The following RPL30 variants were observed in gnomAD, a reference collection of about 807,000 sequenced individuals.
The protein encoded by RPL30 is ribosomal protein L30.
For missense variants in RPL30, 60 were observed against 138.0 expected, an observed-to-expected ratio of 0.43 and a Z score of 2.83; for synonymous variants, 40 against 50.4, an observed-to-expected ratio of 0.79 and a Z score of 0.87.
rs1814460527 is a variant in RPL30 at position 98,045,499 on chromosome 8, C to T, written c.-33+9G>A. ...CTGCCTAAACCTCGGTCGGTAGGAG[C>T]CCACTCACCAACAGCAGCCGCTAAG... On this transcript the variant is annotated intron_variant, in intron 1 of 4. Transcript: ENST00000287038. The T allele has an allele frequency of 2.1e-6, 2 of 945,590 alleles. No homozygotes were observed. The highest frequency in any genetic ancestry group is 3.3e-6 in the Non-Finnish European group (2 of 601,522). The allele number at this position is 945,590 out of a possible 1,614,324, so 58.6% of individuals were successfully genotyped here. A position where few individuals can be genotyped will look rare whatever the true frequency, so the allele number is the denominator to read the frequency against.
chr8:98,043,874 A>T (rs974046959), intron 3 of RPL30: 9 of 152,138 alleles, frequency 5.9e-5, no homozygotes, highest in African/African-American at 2.2e-4. Context: ...GCAGTTTGGG[A>T]GGCCGAGGTG....
chr8:98,042,608 CAAA>C, intron 4 of RPL30, 34 bp downstream of exon 4: 15 of 1,457,094 alleles, frequency 1.0e-5, no homozygotes, highest in South Asian at 5.0e-5. Flanking sequence ...ATTAGAAAGG[CAAA>C]AAAAAAAAAG....
At chr8:98,045,447 A>G in intron 1 of RPL30, 48 bp from the exon 2 acceptor site, 1 of 1,573,530 alleles carries the variant, frequency 6.4e-7, no homozygotes, top group Non-Finnish European at 8.7e-7. Flanking sequence ...CCGGAGTTAC[A>G]AATGGCAACC....
At chr8:98,042,452 T>C (rs1208793854) in intron 4 of RPL30, 193 bp downstream of exon 4, 1 of 556,146 alleles carries the variant, frequency 1.8e-6, no homozygotes, top group Non-Finnish European at 3.1e-6. Flanking sequence ...TTTTAACTTA[T>C]AATAAAGCCA....
At chr8:98,045,151 C>A (rs1814453539) in intron 2 of RPL30, 63 bp from the exon 3 acceptor site, 2 of 1,581,566 alleles carry the variant, frequency 1.3e-6, no homozygotes, top group African/African-American at 2.7e-5. Flanking sequence ...AAAACCGGAC[C>A]CAGCTTTTTG....
At position 98,045,035 on chromosome 8, in the gene RPL30, C is replaced by T. The variant is rs1422904530; in HGVS notation, c.75G>A (p.Gly25=). 1 of 1,614,100 alleles carries T rather than the reference C, an allele frequency of 6.2e-7. No individual in the cohort carries two copies. The highest frequency in any genetic ancestry group is 8.5e-7 in the Non-Finnish European group (1 of 1,180,034). The change falls in exon 3 of 5, where the codon GGG becomes GGA. Residue 25 remains glycine (G), a synonymous_variant. Coordinates refer to ENST00000287038, the MANE Select transcript of RPL30 (RefSeq NM_000989.4). ...TCTGCTTGTACCCCAGGACGTACTT[C>T]CCACTTTTCATAACGAGTTGGAGCC... ...NSRLQLVMKS[G]KYVLGYKQTL...
rs1284536666 is a variant in RPL30 at position 98,045,023 on chromosome 8, C to G, written c.87G>C (p.Leu29=). 6.2e-7 allele frequency: 1 copy of G among 1,614,202 alleles called. No homozygotes were observed. The highest frequency in any genetic ancestry group is 1.7e-5 in the Admixed American group (1 of 60,018). The part of the protein sequence containing the change: ...QLVMKSGKYV[L]GYKQTLKMIR... Reference sequence around the variant, plus strand: ...TCATCTTCAGAGTCTGCTTGTACCCCAGGACGTACTTCCCACTTTTCATAA... The same window carrying G: ...TCATCTTCAGAGTCTGCTTGTACCCGAGGACGTACTTCCCACTTTTCATAA... Residue 29 remains leucine (L), a synonymous_variant, in exon 3 of 5, where the codon CTG becomes CTC. Coordinates refer to ENST00000287038, the MANE Select transcript of RPL30 (RefSeq NM_000989.4).
At chr8:98,043,839 A>G (rs974288270) in intron 3 of RPL30, 1 of 152,168 alleles carries the variant, frequency 6.6e-6, no homozygotes, top group African/African-American at 2.4e-5. Flanking sequence ...CAAGCCGGGC[A>G]CGGTAGCTCA....
intron 1 of RPL30, 30 bp downstream of exon 1, chr8:98,045,478 C>G (rs1201908477): frequency 7.4e-7 from 1 of 1,356,758 alleles, no homozygotes; most frequent in African/African-American, 1.4e-5. Flanking sequence ...CCCGCGCTGC[C>G]TAAACCTCGG....
chr8:98,042,826 C>CA, intron 3 of RPL30, 51 bp from the exon 4 acceptor site: 1 of 1,498,828 alleles, frequency 6.7e-7, no homozygotes, highest in African/African-American at 1.4e-5. Flanking sequence ...AAGTGACTGA[C>CA]AGACTAAATG....
Position 98,044,958 on chromosome 8 carries a change from T to C in RPL30, c.152A>G (p.Asn51Ser), listed in dbSNP as rs1423070308. 10 of 1,613,548 alleles carry C rather than the reference T, an allele frequency of 6.2e-6. No homozygotes were observed. Among genetic ancestry groups the C allele is most frequent in the East Asian group, 2.2e-5 (1 of 44,890 alleles). Reference sequence around the variant, plus strand: ...CTTCGATTACCTCAAAGCTGGGCAGTTGTTAGCGAGAATGACCAATTTCGC... The same window carrying C: ...CTTCGATTACCTCAAAGCTGGGCAGCTGTTAGCGAGAATGACCAATTTCGC... ...GKAKLVILAN[N>S]CPALRKSEIE... The change falls in exon 3 of 5, where the codon AAC becomes AGC. Residue 51 changes from asparagine to serine, a missense_variant. Physicochemically the swap from Asn to Ser is conservative, Grantham distance 46 (BLOSUM62 1). Coordinates refer to ENST00000287038, the MANE Select transcript of RPL30 (RefSeq NM_000989.4).
In RPL30 at chr8:98,041,925, C is replaced by A. The variant is rs1814383299; in HGVS notation, c.299-75G>T. Reference sequence around the variant, plus strand: ...AACTGGTACCATAAAATTTCTCTACCTTTGGTTATCCCTTCTGTAGACAAT... The same window carrying A: ...AACTGGTACCATAAAATTTCTCTACATTTGGTTATCCCTTCTGTAGACAAT... On this transcript the variant is annotated intron_variant, in intron 4 of 4. Coordinates refer to ENST00000287038, the MANE Select transcript of RPL30 (RefSeq NM_000989.4). 6.5e-6 allele frequency: 7 copies of A among 1,085,150 alleles called. No individual in the cohort carries two copies. The Admixed American group carries it at 1.4e-4, about 21-fold the overall frequency. The allele number at this position is 1,085,150 out of a possible 1,614,324, so 67.2% of individuals were successfully genotyped here.
At chr8:98,044,885 G>C in intron 3 of RPL30, 58 bp downstream of exon 3, 2 of 1,555,678 alleles carry the variant, frequency 1.3e-6, no homozygotes, top group Non-Finnish European at 1.8e-6. Flanking sequence ...TTACACTCCT[G>C]TATATTCGTT....
Position 98,045,369 on chromosome 8 carries a change from T to C in RPL30, c.-2A>G, listed in dbSNP as rs751552137. On this transcript the variant is annotated 5_prime_UTR_variant, in exon 2 of 5. Transcript: ENST00000287038. ...CACCGTCTTCTTTGCGGCCACCATC[T>C]TCCTGCCTTAGGAGCGGGACGGCCC... 15 of 1,614,050 alleles carry C rather than the reference T, an allele frequency of 9.3e-6. No homozygotes were observed. The highest frequency in any genetic ancestry group is 1.3e-5 in the Non-Finnish European group (15 of 1,180,036).
rs951542622 is a variant in RPL30 at position 98,042,626 on chromosome 8, T to C, written c.298+19A>G. On this transcript the variant is annotated intron_variant, in intron 4 of 4. Coordinates refer to ENST00000287038, the MANE Select transcript of RPL30 (RefSeq NM_000989.4). ...AGAAAGGCAAAAAAAAAAAAGACTT[T>C]ATGATTTAAAAAGCATACCTGGATC... The C allele has an allele frequency of 3.3e-6, 5 of 1,499,974 alleles. No homozygotes were observed. Among genetic ancestry groups the C allele is most frequent in the African/African-American group, 2.8e-5 (2 of 70,360 alleles). 92.9% of individuals were successfully genotyped at this position (1,499,974 alleles called of 1,614,324 possible).
intron 3 of RPL30, chr8:98,042,985 T>C: frequency 2.1e-6 from 1 of 467,592 alleles, no homozygotes; most frequent in Non-Finnish European, 3.8e-6. Context: ...CCAGCAAATA[T>C]CTAATCAACC....
At chr8:98,042,344 C>A in intron 4 of RPL30, 2 of 426,074 alleles carry the variant, frequency 4.7e-6, no homozygotes, top group South Asian at 1.9e-5. Flanking sequence ...TTCTGTTTTG[C>A]CAGATTATTC....
chr8:98,044,755 C>T (rs1409746262), intron 3 of RPL30, 188 bp downstream of exon 3: 1 of 597,990 alleles, frequency 1.7e-6, no homozygotes, highest in Non-Finnish European at 2.9e-6. Context: ...AATAAGCTCA[C>T]AGAAGGGGAG....
At chr8:98,043,349 C>A (rs1363291061) in intron 3 of RPL30, 1 of 151,332 alleles carries the variant, frequency 6.6e-6, no homozygotes, top group Non-Finnish European at 1.5e-5. Context: ...TGGTCTCGAA[C>A]TCCTGACCTC....
Sources: allele counts gnomAD v4.1 joint callset, GRCh38; gene constraint gnomAD v4.1.1; transcripts MANE v1.5; gene names NCBI Gene and HGNC (gene_info 2026-07-23, HGNC 2026-07-21).